SQOR: variants seen among roughly 807,000 people sequenced by gnomAD.
The protein encoded by SQOR is sulfide quinone oxidoreductase.
SQOR carries 39 observed loss-of-function variants against 48.6 expected under a neutral mutation model. The ratio of observed to expected loss-of-function variants is 0.80; its 90% confidence interval spans 0.62 to 1.05. The LOEUF (loss-of-function observed/expected upper bound fraction) is 1.05, where lower values mean the gene tolerates loss of function less well. Ranked by LOEUF, SQOR falls within the 50% of genes least tolerant of loss-of-function variation. SQOR has a pLI of 0.00. For missense variants in SQOR, 561 were observed against 559.9 expected, an observed-to-expected ratio of 1.00 and a Z score of -0.02; for synonymous variants, 220 against 206.2, an observed-to-expected ratio of 1.07 and a Z score of -0.57.
At chr15:45,673,317 C>T (rs556927477) in intron 4 of SQOR, among the ~76,000 whole-genome samples, 6 of 152,260 alleles carry the variant, frequency 3.9e-5, no homozygotes, top group South Asian at 2.1e-4. Context: ...GGCTGGCTGG[C>T]GTCTTGTCCT....
intron 3 of SQOR, among the ~76,000 whole-genome samples, chr15:45,667,946 T>TGC (rs1338695260): frequency 2.9e-5 from 4 of 135,684 alleles, no homozygotes; most frequent in African/African-American, 1.1e-4. Flanking sequence ...TCTTTCTTTT[T>TGC]TTTTTTTTTT....
Position 45,691,201 on chromosome 15 carries a change from G to T in SQOR, c.*171G>T. The T allele has an allele frequency of 1.6e-6, 1 of 619,174 alleles. No homozygotes were observed. Among genetic ancestry groups the T allele is most frequent in the Non-Finnish European group, 2.9e-6 (1 of 341,926 alleles). 38.4% of individuals were successfully genotyped at this position (619,174 alleles called of 1,614,324 possible). ...GTACCTTTGAACAGCAACCATGTGG[G>T]CTACTCATGATGGGCTTGATTCTTT... is the stretch of plus-strand genomic sequence containing the variant. On this transcript the variant is annotated 3_prime_UTR_variant, in exon 10 of 10. Coordinates refer to ENST00000260324, the MANE Select transcript of SQOR (RefSeq NM_021199.4).
At chr15:45,664,621 C>T (rs1889781329) in intron 3 of SQOR, among the ~76,000 whole-genome samples, 1 of 152,160 alleles carries the variant, frequency 6.6e-6, no homozygotes, top group Admixed American at 6.5e-5. Flanking sequence ...CCCATGATCT[C>T]ATGCTGCATA....
intron 3 of SQOR, among the ~76,000 whole-genome samples, chr15:45,668,074 A>G (rs943209855): frequency 1.3e-5 from 2 of 150,522 alleles, no homozygotes; most frequent in African/African-American, 2.4e-5. Flanking sequence ...CCTCCTGAGT[A>G]GCTGGGACTA....
At chr15:45,653,630 C>T (rs1160706690) in intron 1 of SQOR, among the ~76,000 whole-genome samples, 1 of 152,124 alleles carries the variant, frequency 6.6e-6, no homozygotes, top group African/African-American at 2.4e-5. Context: ...ACCCTCTAAT[C>T]GTAGTCACGT....
intron 1 of SQOR, among the ~76,000 whole-genome samples, chr15:45,646,921 T>C (rs1248593687): frequency 1.3e-5 from 2 of 152,202 alleles, no homozygotes; most frequent in Non-Finnish European, 2.9e-5. Context: ...ATTAAATCAG[T>C]ACTATTATTG....
In SQOR at chr15:45,662,108, A is replaced by G. The variant is rs899632723; in HGVS notation, c.388A>G (p.Thr130Ala). ...GAACCCAGACAAGAACTGCATTCAC[A>G]CAGATGACGACGAGAAGGTAACCAC... is the stretch of plus-strand genomic sequence containing the variant. ...ELNPDKNCIHTDDDEKISYRY... is the reference protein window; with the variant it reads ...ELNPDKNCIHADDDEKISYRY... Residue 130 changes from threonine (T) to alanine (A), a missense_variant, in exon 3 of 10, where the codon ACA becomes GCA. By Grantham distance (58) the Thr-to-Ala change is moderately conservative. Transcript: ENST00000260324. 1 of 1,614,032 alleles carries G rather than the reference A, an allele frequency of 6.2e-7. No individual in the cohort carries two copies. The highest frequency in any genetic ancestry group is 8.5e-7 in the Non-Finnish European group (1 of 1,179,938).
chr15:45,669,293 C>T (rs571753747), intron 3 of SQOR, among the ~76,000 whole-genome samples: 1 of 151,972 alleles, frequency 6.6e-6, no homozygotes, highest in Non-Finnish European at 1.5e-5. Flanking sequence ...CTTCAGCCCC[C>T]CTGGGGACTA....
chr15:45,667,941 C>CTTTTTTTTTT (rs1204451548), intron 3 of SQOR, among the ~76,000 whole-genome samples: 19 of 103,272 alleles, frequency 1.8e-4, no homozygotes, highest in African/African-American at 3.2e-4. Flanking sequence ...TTCTTTCTTT[C>CTTTTTTTTTT]TTTTTTTTTT....
At chr15:45,650,161 A>G (rs1889447301) in intron 1 of SQOR, among the ~76,000 whole-genome samples, 1 of 151,992 alleles carries the variant, frequency 6.6e-6, no homozygotes, top group African/African-American at 2.4e-5. Flanking sequence ...AGCCTTTGCA[A>G]TGTGGTCTGG....
intron 1 of SQOR, among the ~76,000 whole-genome samples, chr15:45,646,179 G>A (rs1425820120): frequency 3.3e-5 from 5 of 152,180 alleles, no homozygotes; most frequent in African/African-American, 1.2e-4. Context: ...CCCTCTAGGA[G>A]ACAGCATGTG....
chr15:45,665,144 T>G (rs993991247), intron 3 of SQOR, among the ~76,000 whole-genome samples: 3 of 152,242 alleles, frequency 2.0e-5, no homozygotes, highest in African/African-American at 7.2e-5. Flanking sequence ...CCATATACTT[T>G]ACTCATCTCT....
At chr15:45,660,477 C>G (rs933232120) in intron 2 of SQOR, among the ~76,000 whole-genome samples, 3 of 152,184 alleles carry the variant, frequency 2.0e-5, no homozygotes, top group Non-Finnish European at 4.4e-5. Flanking sequence ...CCCAGTCAGG[C>G]TTCTCTTTGT....
In SQOR at chr15:45,680,918, G is replaced by A. The variant is rs146453594; in HGVS notation, c.865-1560G>A. Among the ~76,000 whole-genome samples, 1,177 of 151,794 alleles carry A rather than the reference G, an allele frequency of 7.8e-3. 21 individuals are homozygous for A. Among genetic ancestry groups the A allele is most frequent in the African/African-American group, 0.027 (1,133 of 41,388 alleles). ...AAGGTTTAGACCTCAGTTCAAAAAC[G>A]TAGTTCTAGGTCAGGTATGGTAGCT... On this transcript the variant is annotated intron_variant, in intron 6 of 9. Transcript: ENST00000260324.
chr15:45,682,387 C>G (rs1211371549), intron 6 of SQOR, 91 bp from the exon 7 acceptor site: 14 of 1,352,710 alleles, frequency 1.0e-5, no homozygotes, highest in South Asian at 1.3e-5. Flanking sequence ...AGCCATAGCA[C>G]AGTGTATAGA....
chr15:45,686,194 C>T (rs11634279), intron 7 of SQOR, among the ~76,000 whole-genome samples: 27,434 of 151,752 alleles, frequency 0.18, 2,692 homozygotes, highest in Middle Eastern at 0.35. Context: ...CTCTGTTGCC[C>T]GGGCTGGAGT....
chr15:45,665,308 C>T (rs556748508), intron 3 of SQOR, among the ~76,000 whole-genome samples: 5 of 152,270 alleles, frequency 3.3e-5, no homozygotes, highest in East Asian at 3.9e-4. Flanking sequence ...TGAAGCAAAA[C>T]GACTTCATAG....
Position 45,659,211 on chromosome 15 carries a change from A to AGTGT in SQOR, c.234+69_234+72dup, listed in dbSNP as rs142512593. The AGTGT allele has an allele frequency of 5.6e-5, 62 of 1,099,712 alleles. No individual in the cohort carries two copies. In the African/African-American group the frequency reaches 6.6e-4, roughly 12 times the overall value. The allele number at this position is 1,099,712 out of a possible 1,614,324, so 68.1% of individuals were successfully genotyped here. ...GTGTGTGTACGTGTGTGTGTGTGTGAGTGTGTGTGTGTGTGTGTTCTGGGG... is the reference window on the plus strand; with the variant it reads ...GTGTGTGTACGTGTGTGTGTGTGTGAGTGTGTGTGTGTGTGTGTGTGTTCTGGGG... On this transcript the variant is annotated intron_variant, in intron 2 of 9. Coordinates refer to ENST00000260324, the MANE Select transcript of SQOR (RefSeq NM_021199.4).
chr15:45,655,893 G>A (rs1189099700), intron 1 of SQOR, among the ~76,000 whole-genome samples: 1 of 151,706 alleles, frequency 6.6e-6, no homozygotes, highest in Non-Finnish European at 1.5e-5. Context: ...CACCATGTTG[G>A]CCAGGATGGT....
Sources: gnomAD v4.1 joint callset for allele counts (sites outside exome capture counted in the v4.1 genomes callset) on GRCh38, gnomAD v4.1.1 for gene constraint, MANE v1.5 for transcripts, NCBI Gene and HGNC (gene_info 2026-07-23, HGNC 2026-07-21) for gene names.